The following C12orf54 variants were observed in gnomAD, a reference collection of about 807,000 sequenced individuals.
C12orf54 encodes the protein chromosome 12 open reading frame 54.
In C12orf54, 24 loss-of-function variants were observed where a neutral mutation model predicts 26.4. That is an observed-to-expected ratio of 0.91 (90% CI 0.66 to 1.28). The LOEUF is 1.28. Ranked by LOEUF, C12orf54 falls within the 50% of genes most tolerant of loss-of-function variation. The pLI, the probability that C12orf54 is intolerant of heterozygous loss-of-function variation, is 0.00. For synonymous variants in C12orf54, 54 were observed against 47.0 expected (o/e 1.15, Z -0.61); for missense variants, 154 against 150.9 (o/e 1.02, Z -0.11).
chr12:48,490,976 T>C, intron 6 of C12orf54, 140 bp downstream of exon 6: 9 of 1,001,804 alleles, frequency 9.0e-6, no homozygotes, highest in Non-Finnish European at 1.4e-5. Context: ...AGTCTCACCC[T>C]AGGATCTTCC....
intron 1 of C12orf54, 81 bp from the exon 2 acceptor site, chr12:48,483,159 G>GCTGAGACATCTGTA: frequency 1.5e-6 from 1 of 659,458 alleles, no homozygotes; most frequent in Non-Finnish European, 2.6e-6. Context: ...TCCATTAACT[G>GCTGAGACATCTGTA]CTGGTAGTTC....
chr12:48,478,753 A>G (rs1357669095), upstream of C12orf54, among the ~76,000 whole-genome samples: 2 of 152,324 alleles, frequency 1.3e-5, no homozygotes, highest in African/African-American at 4.8e-5. Flanking sequence ...CAGCCAAAAA[A>G]CACATGAAAA....
At chr12:48,467,841 G>C in the C12orf54 span, among the ~76,000 whole-genome samples, 1 of 151,972 alleles carries the variant, frequency 6.6e-6, no homozygotes, top group Non-Finnish European at 1.5e-5. Context: ...TCTAAATTTA[G>C]TCTTTTGTTG....
At chr12:48,464,813 A>AT in the C12orf54 span, among the ~76,000 whole-genome samples, 11 of 152,192 alleles carry the variant, frequency 7.2e-5, no homozygotes, top group Non-Finnish European at 1.5e-4. Flanking sequence ...AAAACAAGCA[A>AT]TGAGGAAAAA....
chr12:48,457,235 G>A, the C12orf54 span, among the ~76,000 whole-genome samples: 52 of 152,152 alleles, frequency 3.4e-4, no homozygotes, highest in Admixed American at 2.7e-3. Context: ...AGAATGGGCC[G>A]TAAGCTTGGT....
upstream of C12orf54, among the ~76,000 whole-genome samples, chr12:48,482,176 C>T (rs1325387424): frequency 6.6e-6 from 1 of 152,202 alleles, no homozygotes; most frequent in Non-Finnish European, 1.5e-5. Context: ...TCTGAAGGAC[C>T]TAGCTCTTGA....
the C12orf54 span, among the ~76,000 whole-genome samples, chr12:48,444,178 A>T: frequency 6.6e-6 from 1 of 152,220 alleles, no homozygotes; most frequent in South Asian, 2.1e-4. Flanking sequence ...GAAAACCTAA[A>T]TACTTCTGTC....
the C12orf54 span, among the ~76,000 whole-genome samples, chr12:48,471,857 A>C: frequency 6.6e-6 from 1 of 152,090 alleles, no homozygotes; most frequent in African/African-American, 2.4e-5. Flanking sequence ...AATTCAGAGT[A>C]GTTTTTTTCT....
At chr12:48,458,980 C>T in the C12orf54 span, among the ~76,000 whole-genome samples, 2 of 112,320 alleles carry the variant, frequency 1.8e-5, no homozygotes, top group African/African-American at 6.8e-5. Flanking sequence ...CCTTTCCTAC[C>T]CATCAGCTCC....
the C12orf54 span, among the ~76,000 whole-genome samples, chr12:48,463,223 TAAAGAAGCTAAGG>T: frequency 4.6e-5 from 7 of 151,730 alleles, no homozygotes; most frequent in African/African-American, 1.7e-4. Flanking sequence ...AAATATAGCT[TAAAGAAGCTAAGG>T]GGGATATTAC....
the C12orf54 span, among the ~76,000 whole-genome samples, chr12:48,453,164 G>C: frequency 3.9e-5 from 6 of 152,124 alleles, no homozygotes; most frequent in Non-Finnish European, 5.9e-5. Context: ...GCCATAAAAA[G>C]GAACGAGATC....
the C12orf54 span, among the ~76,000 whole-genome samples, chr12:48,448,962 A>C: frequency 1.3e-5 from 2 of 152,212 alleles, no homozygotes; most frequent in African/African-American, 4.8e-5. Context: ...TTGGTCCAGA[A>C]AGGTAGAACA....
the C12orf54 span, among the ~76,000 whole-genome samples, chr12:48,428,040 AT>A: frequency 6.6e-6 from 1 of 152,174 alleles, no homozygotes; most frequent in South Asian, 2.1e-4. Context: ...ATGAAAATAC[AT>A]GGAAATTAAA....
the C12orf54 span, among the ~76,000 whole-genome samples, chr12:48,423,588 A>G: frequency 6.6e-6 from 1 of 152,058 alleles, no homozygotes; most frequent in Admixed American, 6.6e-5. Flanking sequence ...TTAAAGAAGA[A>G]TAAAGTGATT....
chr12:48,495,718 C>T (rs1937897717), intron 8 of C12orf54: 1 of 152,508 alleles, frequency 6.6e-6, no homozygotes, highest in Non-Finnish European at 1.5e-5. Context: ...TTGGTTTCAT[C>T]CACCTGTGTC....
At chr12:48,449,067 C>T in the C12orf54 span, among the ~76,000 whole-genome samples, 2 of 152,100 alleles carry the variant, frequency 1.3e-5, no homozygotes, top group Admixed American at 1.3e-4. Context: ...GTCTAAAGAC[C>T]TGGGATCAAT....
At chr12:48,478,239 A>G (rs1435487652), upstream of C12orf54, among the ~76,000 whole-genome samples, 1 of 152,166 alleles carries the variant, frequency 6.6e-6, no homozygotes, top group Non-Finnish European at 1.5e-5. Context: ...GTATTGATGG[A>G]ACTTATCTCA....
At chr12:48,439,021 A>G in the C12orf54 span, among the ~76,000 whole-genome samples, 1 of 152,208 alleles carries the variant, frequency 6.6e-6, no homozygotes, top group African/African-American at 2.4e-5. Flanking sequence ...CAAAGGGCTG[A>G]TATCCAGAAT....
chr12:48,476,058 C>T, the C12orf54 span, among the ~76,000 whole-genome samples: 5 of 152,070 alleles, frequency 3.3e-5, no homozygotes, highest in Admixed American at 1.3e-4. Flanking sequence ...TCGGCAGAAA[C>T]TCTACAAGCC....
Sources: gnomAD v4.1 joint callset for allele counts (sites outside exome capture counted in the v4.1 genomes callset) on GRCh38, gnomAD v4.1.1 for gene constraint, MANE v1.5 for transcripts, NCBI Gene and HGNC (gene_info 2026-07-23, HGNC 2026-07-21) for gene names.